ASIC2: variants seen among roughly 807,000 people sequenced by gnomAD.
ASIC2 encodes the protein acid-sensing ion channel 2.
Under a neutral mutation model 57.3 loss-of-function variants are expected in ASIC2, and 25 were observed. The observed-to-expected ratio is 0.44, with a 90% confidence interval of 0.32 to 0.61. ASIC2 has a LOEUF of 0.61. Among genes scored for constraint, ASIC2 ranks in the 20% least tolerant of loss-of-function variants. The pLI is 0.06. For missense variants in ASIC2, 641 were observed against 738.1 expected (o/e 0.87, Z 1.52); for synonymous variants, 319 against 307.5 (o/e 1.04, Z -0.39).
At chr17:33,787,720 G>A (rs1911649157) in intron 1 of ASIC2, among the ~76,000 whole-genome samples, 1 of 152,160 alleles carries the variant, frequency 6.6e-6, no homozygotes, top group African/African-American at 2.4e-5. Flanking sequence ...TACAAGAGGA[G>A]CTCCACTGAG....
chr17:33,512,187 CAAGAT>C (rs1245756365), intron 1 of ASIC2, among the ~76,000 whole-genome samples: 1 of 152,180 alleles, frequency 6.6e-6, no homozygotes, highest in Non-Finnish European at 1.5e-5. Context: ...TCAGTCTGAC[CAAGAT>C]AAGGGTGAAA....
rs1252678543 is a variant in ASIC2, at chr17:33,292,360, C to G, written c.-245G>C. On this transcript the variant is annotated 5_prime_UTR_variant, in exon 1 of 10. Transcript: ENST00000225823. Reference sequence around the variant, plus strand: ...CCGCAGCCCCTGGCAGTGGCCTCTCCCGAGCGCCTCCCAGGCTTTCCCGGC... The same window carrying G: ...CCGCAGCCCCTGGCAGTGGCCTCTCGCGAGCGCCTCCCAGGCTTTCCCGGC... The G allele has an allele frequency of 1.0e-6, 1 of 986,014 alleles. No individual in the cohort carries two copies. The highest frequency in any genetic ancestry group is 1.7e-5 in the African/African-American group (1 of 57,260). The allele number at this position is 986,014 out of a possible 1,614,324, so 61.1% of individuals were successfully genotyped here. A position where few individuals can be genotyped will look rare whatever the true frequency, so the allele number is the denominator to read the frequency against.
intron 1 of ASIC2, among the ~76,000 whole-genome samples, chr17:33,375,279 G>A (rs1487262274): frequency 1.3e-5 from 2 of 151,982 alleles, no homozygotes; most frequent in African/African-American, 4.8e-5. Flanking sequence ...GAGCCATGTG[G>A]CTCTCTGAAG....
intron 1 of ASIC2, among the ~76,000 whole-genome samples, chr17:33,363,544 A>T (rs1033413572): frequency 7.9e-5 from 12 of 152,228 alleles, no homozygotes; most frequent in African/African-American, 2.9e-4. Context: ...CAACAGCTGG[A>T]CACACCTGGG....
chr17:33,840,006 G>A (rs186426885), intron 1 of ASIC2, among the ~76,000 whole-genome samples: 1 of 152,274 alleles, frequency 6.6e-6, no homozygotes, highest in East Asian at 1.9e-4. Flanking sequence ...TATCATATCT[G>A]GGTTATATCA....
At chr17:33,110,832 C>T (rs768697719) in intron 2 of ASIC2, among the ~76,000 whole-genome samples, 47 of 152,174 alleles carry the variant, frequency 3.1e-4, no homozygotes, top group Admixed American at 1.4e-3. Context: ...TCAGCCCCAA[C>T]CTGAGGGCCC....
intron 1 of ASIC2, among the ~76,000 whole-genome samples, chr17:33,937,046 C>A (rs2141975817): frequency 6.6e-6 from 1 of 152,344 alleles, no homozygotes; most frequent in African/African-American, 2.4e-5. Context: ...CTCTGGGAGG[C>A]TGGGGTTTTC....
chr17:33,232,793 C>T (rs527953754), intron 1 of ASIC2, among the ~76,000 whole-genome samples: 92 of 152,298 alleles, frequency 6.0e-4, no homozygotes, highest in Non-Finnish European at 8.8e-4. Flanking sequence ...CACTTCTGAA[C>T]GCTAAGAGAG....
chr17:33,061,683 A>G (rs1255269827), intron 3 of ASIC2, among the ~76,000 whole-genome samples: 3 of 152,136 alleles, frequency 2.0e-5, no homozygotes, highest in African/African-American at 7.2e-5. Flanking sequence ...TCATAAAACG[A>G]GTTAGGGAGG....
intron 1 of ASIC2, among the ~76,000 whole-genome samples, chr17:33,245,039 G>T (rs574379120): frequency 1.3e-5 from 2 of 152,250 alleles, no homozygotes; most frequent in South Asian, 4.1e-4. Flanking sequence ...AGTCTATTCT[G>T]TAATAACGAT....
intron 1 of ASIC2, among the ~76,000 whole-genome samples, chr17:33,843,841 C>G (rs1294726062): frequency 3.3e-5 from 5 of 152,172 alleles, no homozygotes; most frequent in Admixed American, 1.3e-4. Flanking sequence ...AATGCCAATG[C>G]TATTTTGATG....
At chr17:33,570,842 C>T (rs1243038851) in intron 1 of ASIC2, among the ~76,000 whole-genome samples, 1 of 152,108 alleles carries the variant, frequency 6.6e-6, no homozygotes, top group Non-Finnish European at 1.5e-5. Flanking sequence ...CTCAAGGAGG[C>T]AAGGCTAGGC....
rs181229990 is a variant in ASIC2 at position 33,185,861 on chromosome 17, G to A, written c.709-73794C>T. On this transcript the variant is annotated intron_variant, in intron 1 of 9. Transcript: ENST00000225823. ...CTTTGTAATAAACACTCCAGGCTTCGGGTAGAGTGCTCAGAGGGTATTGCT... is the reference window on the plus strand; with the variant it reads ...CTTTGTAATAAACACTCCAGGCTTCAGGTAGAGTGCTCAGAGGGTATTGCT... 5.6e-4 allele frequency among the ~76,000 whole-genome samples: 85 copies of A among 152,246 alleles called. 1 individual carries two copies. The highest frequency in any genetic ancestry group is 3.3e-3 in the Admixed American group (50 of 15,286).
At chr17:33,729,229 G>A (rs1909660435) in intron 1 of ASIC2, among the ~76,000 whole-genome samples, 2 of 152,204 alleles carry the variant, frequency 1.3e-5, no homozygotes, top group African/African-American at 2.4e-5. Flanking sequence ...GGGAGCAGAT[G>A]CATCCCTTTT....
At chr17:33,802,043 G>A (rs1316507029) in intron 1 of ASIC2, among the ~76,000 whole-genome samples, 2 of 152,170 alleles carry the variant, frequency 1.3e-5, no homozygotes, top group Non-Finnish European at 2.9e-5. Context: ...ATGGAGAGAA[G>A]GTGTTTTGAT....
At chr17:33,312,985 A>G (rs1320591265) in intron 1 of ASIC2, among the ~76,000 whole-genome samples, 4 of 152,190 alleles carry the variant, frequency 2.6e-5, no homozygotes, top group Non-Finnish European at 5.9e-5. Flanking sequence ...ATATTGGTGA[A>G]CAAGAACCTA....
intron 1 of ASIC2, among the ~76,000 whole-genome samples, chr17:33,157,019 G>GC (rs1246449293): frequency 1.3e-5 from 2 of 152,230 alleles, no homozygotes; most frequent in Admixed American, 6.5e-5. Flanking sequence ...TCTGGGAGCA[G>GC]CGGGGGTCCC....
At position 33,973,459 on chromosome 17, in the gene ASIC2, T is replaced by C. The variant is rs371609429; in HGVS notation, c.555+182519A>G. ...CAAACCATGCTTCCTCCTGTAGCAA[T>C]AGGCCCAGACTTGGGCAATTGAGTG... is the stretch of plus-strand genomic sequence containing the variant. On this transcript the variant is annotated intron_variant, in intron 1 of 9. Transcript: ENST00000359872. Among the ~76,000 whole-genome samples, 27 of 152,188 alleles carry C rather than the reference T, an allele frequency of 1.8e-4. 1 individual carries two copies. Among genetic ancestry groups the C allele is most frequent in the African/African-American group, 6.3e-4 (26 of 41,436 alleles).
Position 33,606,884 on chromosome 17 carries a change from A to T in ASIC2, c.556-494817T>A, listed in dbSNP as rs140377375. On this transcript the variant is annotated intron_variant, in intron 1 of 9. Transcript: ENST00000359872. Reference sequence around the variant, plus strand: ...CCTTGCTTCTTTCACACTTCCATCCAATCCCATTCTGTGGTCACAGTGCCT... The same window carrying T: ...CCTTGCTTCTTTCACACTTCCATCCTATCCCATTCTGTGGTCACAGTGCCT... Among the ~76,000 whole-genome samples the T allele has an allele frequency of 1.9e-3, 286 of 152,262 alleles. 1 individual carries two copies. The highest frequency in any genetic ancestry group is 4.0e-3 in the Admixed American group (61 of 15,300).
Sources: allele counts gnomAD v4.1 joint callset (sites outside exome capture counted in the v4.1 genomes callset), GRCh38; gene constraint gnomAD v4.1.1; transcripts MANE v1.5; gene names NCBI Gene and HGNC (gene_info 2026-07-23, HGNC 2026-07-21).